The following L3HYPDH variants were observed in gnomAD, a reference collection of about 807,000 sequenced individuals.
L3HYPDH encodes trans-L-3-hydroxyproline dehydratase.
A neutral mutation model predicts 26.5 loss-of-function variants in L3HYPDH; 32 were observed. That is an observed-to-expected ratio of 1.21 (90% CI 0.91 to 1.62). L3HYPDH has a LOEUF of 1.62. Among genes scored for constraint, L3HYPDH ranks in the 40% most tolerant of loss-of-function variants. The pLI is 0.00. For missense variants in L3HYPDH, 554 were observed against 476.4 expected, an observed-to-expected ratio of 1.16 and a Z score of -1.52; for synonymous variants, 215 against 196.6, an observed-to-expected ratio of 1.09 and a Z score of -0.78.
At chr14:59,497,529 G>A in the L3HYPDH span, among the ~76,000 whole-genome samples, 162 of 152,246 alleles carry the variant, frequency 1.1e-3, 2 homozygotes, top group East Asian at 3.1e-3. Context: ...TTGTGGAAAT[G>A]GACAGATTTT....
intron 1 of L3HYPDH, among the ~76,000 whole-genome samples, chr14:59,466,824 T>C (rs1253136): frequency 0.48 from 73,604 of 151,982 alleles, 19,399 homozygotes; most frequent in African/African-American, 0.7. Flanking sequence ...ATACATTGTA[T>C]GATGTTCAGC....
the L3HYPDH span, chr14:59,494,987 T>C: frequency 1.3e-6 from 2 of 1,513,050 alleles, no homozygotes; most frequent in Non-Finnish European, 1.8e-6. Context: ...TTGCAATTTT[T>C]CTAGTAATCA....
At chr14:59,484,965 T>C (rs1340638956), upstream of L3HYPDH, 8 of 1,539,554 alleles carry the variant, frequency 5.2e-6, no homozygotes, top group Middle Eastern at 1.7e-4. Flanking sequence ...GCATAATTTG[T>C]CTACTGCTTC....
At chr14:59,496,280 A>G in the L3HYPDH span, among the ~76,000 whole-genome samples, 2 of 150,850 alleles carry the variant, frequency 1.3e-5, no homozygotes, top group African/African-American at 4.9e-5. Context: ...TATATAAAAT[A>G]CTATATAAAA....
downstream of L3HYPDH, among the ~76,000 whole-genome samples, chr14:59,470,257 T>C (rs59233538): frequency 2.5e-3 from 386 of 152,294 alleles, 2 homozygotes; most frequent in African/African-American, 9.0e-3. Context: ...CTACTCACAG[T>C]ACTCCAACCA....
rs1238529186 is a variant in L3HYPDH, at chr14:59,475,850, A to T, written c.939+19T>A. ...ATGAGTGACACATTTATAAATAAGAAGCTAAGGGTGCCACTTACCCTCACA... is the reference window on the plus strand; with the variant it reads ...ATGAGTGACACATTTATAAATAAGATGCTAAGGGTGCCACTTACCCTCACA... On this transcript the variant is annotated intron_variant, in intron 4 of 4. Transcript: ENST00000247194. The T allele has an allele frequency of 6.2e-7, 1 of 1,601,048 alleles. No individual in the cohort carries two copies. The highest frequency in any genetic ancestry group is 1.1e-5 in the South Asian group (1 of 89,032).
upstream of L3HYPDH, chr14:59,484,736 G>GGGGTCAA: frequency 8.9e-7 from 1 of 1,125,570 alleles, no homozygotes; most frequent in Non-Finnish European, 1.3e-6. Flanking sequence ...CCCTCGGGCC[G>GGGGTCAA]GGCTCCGCAC....
chr14:59,482,578 C>T (rs1471641476), intron 1 of L3HYPDH, among the ~76,000 whole-genome samples: 2 of 152,138 alleles, frequency 1.3e-5, no homozygotes, highest in African/African-American at 4.8e-5. Context: ...AAAATGGAAT[C>T]GTAAACATAA....
downstream of L3HYPDH, among the ~76,000 whole-genome samples, chr14:59,470,304 C>T (rs1889279380): frequency 6.6e-6 from 1 of 152,178 alleles, no homozygotes; most frequent in Admixed American, 6.5e-5. Context: ...GTTAGAAATG[C>T]CCCACCCCGT....
intron 4 of L3HYPDH, 152 bp downstream of exon 4, chr14:59,475,717 A>C (rs1007944117): frequency 3.7e-6 from 3 of 811,806 alleles, no homozygotes; most frequent in Non-Finnish European, 3.8e-6. Context: ...ACACTGGATA[A>C]CCAATGTCCT....
Position 59,484,023 on chromosome 14 carries a change from C to T in L3HYPDH, c.294G>A (p.Glu98=). 6.2e-7 allele frequency: 1 copy of T among 1,604,140 alleles called. No individual in the cohort carries two copies. Among genetic ancestry groups the T allele is most frequent in the Non-Finnish European group, 8.5e-7 (1 of 1,178,936 alleles). Residue 98 remains glutamate (E), a synonymous_variant, in exon 1 of 5, where the codon GAG becomes GAA. Coordinates refer to ENST00000247194, the MANE Select transcript of L3HYPDH (RefSeq NM_144581.2). ...AHLGVLFLHN[E]GYSSMCGHAV... ...CGTGGCCGCACATGGAGCTGTAGCC[C>T]TCGTTGTGCAGGAACAGGACGCCCA...
chr14:59,495,374 C>T, the L3HYPDH span: 1 of 595,510 alleles, frequency 1.7e-6, no homozygotes, highest in South Asian at 2.1e-5. Flanking sequence ...TAAACAGCCT[C>T]TTGTAACTTC....
intron 1 of L3HYPDH, chr14:59,483,523 G>A: frequency 7.4e-7 from 1 of 1,357,842 alleles, no homozygotes; most frequent in Non-Finnish European, 9.5e-7. Context: ...CTCTAGGAAT[G>A]CCTCACCAGT....
In L3HYPDH at chr14:59,483,959, G is replaced by A. The variant is rs1430790947; in HGVS notation, c.358C>T (p.Leu120Phe). The A allele has an allele frequency of 1.3e-6, 2 of 1,565,456 alleles. No individual in the cohort carries two copies. The highest frequency in any genetic ancestry group is 1.1e-5 in the South Asian group (1 of 86,966). ...ALGRFALDFG[L>F]VPAPPAGTRE... is the part of the protein sequence containing the mutation. ...GTGCCCGCAGGGGGCGCCGGCACAA[G>A]CCCGAAGTCCAAAGCGAAGCGGCCC... Residue 120 changes from leucine to phenylalanine, a missense_variant, in exon 1 of 5, where the codon CTT becomes TTT. Coordinates refer to ENST00000247194, the MANE Select transcript of L3HYPDH (RefSeq NM_144581.2).
At chr14:59,487,712 T>C (rs760078492), upstream of L3HYPDH, 10 of 1,613,218 alleles carry the variant, frequency 6.2e-6, no homozygotes, top group Admixed American at 1.7e-5. Flanking sequence ...CACAGAAATA[T>C]TGTCAGCCTT....
chr14:59,483,361 G>C, intron 1 of L3HYPDH: 1 of 219,218 alleles, frequency 4.6e-6, no homozygotes, highest in Non-Finnish European at 8.2e-6. Context: ...AGAAGTGGGG[G>C]AGGTGAGGAA....
intron 1 of L3HYPDH, 33 bp from the exon 2 acceptor site, chr14:59,479,384 G>A (rs376557062): frequency 6.4e-7 from 1 of 1,567,890 alleles, no homozygotes. Context: ...AAGAAGATGT[G>A]TTTGTTAATA....
chr14:59,491,284 T>C, the L3HYPDH span, among the ~76,000 whole-genome samples: 21 of 152,090 alleles, frequency 1.4e-4, no homozygotes, highest in African/African-American at 5.1e-4. Flanking sequence ...GGCCAGGAAA[T>C]AGAGAAGACG....
At chr14:59,494,121 G>GGTGGGTGT in the L3HYPDH span, among the ~76,000 whole-genome samples, 57 of 151,072 alleles carry the variant, frequency 3.8e-4, no homozygotes, top group African/African-American at 1.3e-3. Flanking sequence ...AGAAAATTTG[G>GGTGGGTGT]GTGTGTGTGT....
Sources: allele counts gnomAD v4.1 joint callset (sites outside exome capture counted in the v4.1 genomes callset), GRCh38; gene constraint gnomAD v4.1.1; transcripts MANE v1.5; gene names NCBI Gene and HGNC (gene_info 2026-07-23, HGNC 2026-07-21).